The following NOVA1 variants were observed in gnomAD, a reference collection of about 807,000 sequenced individuals.
The protein encoded by NOVA1 is RNA-binding protein Nova-1.
NOVA1 carries 7 observed loss-of-function variants against 38.0 expected under a neutral mutation model. The ratio of observed to expected loss-of-function variants is 0.18; its 90% CI spans 0.10 to 0.35. The LOEUF is 0.35. Among genes scored for constraint, NOVA1 ranks in the 10% least tolerant of loss-of-function variants. NOVA1 has a pLI of 1.00. For synonymous variants in NOVA1, 270 were observed against 232.5 expected, an observed-to-expected ratio of 1.16 and a Z score of -1.47; for missense variants, 460 against 616.0, an observed-to-expected ratio of 0.75 and a Z score of 2.68.
At chr14:26,454,879 G>C (rs1883027643) in intron 4 of NOVA1, among the ~76,000 whole-genome samples, 1 of 152,056 alleles carries the variant, frequency 6.6e-6, no homozygotes, top group South Asian at 2.1e-4. Flanking sequence ...TTAGGATACT[G>C]AGGCTCCACT....
chr14:26,515,493 A>G (rs904584996), intron 2 of NOVA1, among the ~76,000 whole-genome samples: 1 of 152,008 alleles, frequency 6.6e-6, no homozygotes, highest in Non-Finnish European at 1.5e-5. Context: ...CAATTTGTTC[A>G]TAATATATGC....
chr14:26,516,141 A>C (rs8004594), intron 2 of NOVA1, among the ~76,000 whole-genome samples: 53,257 of 152,026 alleles, frequency 0.35, 11,280 homozygotes, highest in African/African-American at 0.6. Context: ...TCCCTAATGA[A>C]TAATATATTT....
intron 2 of NOVA1, among the ~76,000 whole-genome samples, chr14:26,564,735 T>C (rs1892032822): frequency 6.6e-6 from 1 of 152,266 alleles, no homozygotes; most frequent in Non-Finnish European, 1.5e-5. Flanking sequence ...ACCTTTGAAA[T>C]TGGCAATAAC....
At chr14:26,509,890 G>C (rs961243599) in intron 2 of NOVA1, among the ~76,000 whole-genome samples, 3 of 152,156 alleles carry the variant, frequency 2.0e-5, no homozygotes, top group Non-Finnish European at 4.4e-5. Flanking sequence ...ATGTTGGTTA[G>C]GTTGGTCTCA....
At chr14:26,591,822 T>A (rs552953273) in intron 2 of NOVA1, among the ~76,000 whole-genome samples, 131 of 151,612 alleles carry the variant, frequency 8.6e-4, no homozygotes, top group Non-Finnish European at 1.4e-3. Context: ...GTGTTTTTTT[T>A]AAAAAAGCAC....
At chr14:26,581,705 T>TGCCC (rs1566557281) in intron 2 of NOVA1, among the ~76,000 whole-genome samples, 2 of 151,978 alleles carry the variant, frequency 1.3e-5, no homozygotes, top group East Asian at 1.9e-4. Flanking sequence ...TCAGAAATAT[T>TGCCC]ATCTCCCAGT....
In NOVA1 at chr14:26,576,339, G is replaced by A. The variant is rs549062920; in HGVS notation, c.280+19071C>T. ...GGTGTAAAACATGATGTTTTGATAC[G>A]CATATACATAGTGAAATGATTATAA... is the stretch of plus-strand genomic sequence containing the variant. On this transcript the variant is annotated intron_variant, in intron 2 of 4. Transcript: ENST00000539517. 7.4e-4 allele frequency among the ~76,000 whole-genome samples: 111 copies of A among 150,686 alleles called. No individual in the cohort carries two copies. In the Middle Eastern group the frequency reaches 0.011, roughly 15 times the overall value.
chr14:26,545,785 T>G (rs1479608367), intron 2 of NOVA1, among the ~76,000 whole-genome samples: 1 of 151,994 alleles, frequency 6.6e-6, no homozygotes, highest in Admixed American at 6.6e-5. Context: ...GGATTCGAGA[T>G]CACACTTCAG....
chr14:26,510,917 G>A (rs144402524), intron 2 of NOVA1, among the ~76,000 whole-genome samples: 208 of 152,202 alleles, frequency 1.4e-3, no homozygotes, highest in African/African-American at 4.6e-3. Flanking sequence ...GGTGGATAAT[G>A]ATAAATGGAC....
intron 2 of NOVA1, among the ~76,000 whole-genome samples, chr14:26,513,582 T>A (rs1888250779): frequency 6.6e-6 from 1 of 151,632 alleles, no homozygotes; most frequent in Non-Finnish European, 1.5e-5. Context: ...AATGAATGAA[T>A]ATAAAATAAA....
At chr14:26,505,817 G>A (rs1037795488) in intron 2 of NOVA1, among the ~76,000 whole-genome samples, 3 of 151,912 alleles carry the variant, frequency 2.0e-5, no homozygotes, top group South Asian at 2.1e-4. Context: ...CAAATAAAAC[G>A]GTAACACTGT....
At chr14:26,557,995 T>C (rs1367304542) in intron 2 of NOVA1, among the ~76,000 whole-genome samples, 1 of 136,064 alleles carries the variant, frequency 7.3e-6, no homozygotes, top group South Asian at 2.3e-4. Context: ...TCTTGTTAAA[T>C]GAAAAAAAAA....
chr14:26,499,002 AAT>A (rs925484546), intron 2 of NOVA1, among the ~76,000 whole-genome samples: 1 of 152,204 alleles, frequency 6.6e-6, no homozygotes, highest in African/African-American at 2.4e-5. Flanking sequence ...AGAAAGGTCA[AAT>A]ATATAGAGAT....
At chr14:26,460,030 C>G (rs1404107631) in intron 4 of NOVA1, among the ~76,000 whole-genome samples, 1 of 151,644 alleles carries the variant, frequency 6.6e-6, no homozygotes, top group Non-Finnish European at 1.5e-5. Flanking sequence ...TTATATATTT[C>G]TTATTATTTT....
At chr14:26,578,353 CA>C (rs1555330972) in intron 2 of NOVA1, among the ~76,000 whole-genome samples, 2 of 18,224 alleles carry the variant, frequency 1.1e-4, no homozygotes, top group South Asian at 0.029. Context: ...AAAAGAAACA[CA>C]CTTTTTTTTT....
chr14:26,509,384 G>C (rs1033985590), intron 2 of NOVA1, among the ~76,000 whole-genome samples: 5 of 151,988 alleles, frequency 3.3e-5, no homozygotes, highest in Non-Finnish European at 7.4e-5. Flanking sequence ...AGTGGTAGTG[G>C]GAGTGAAAAG....
chr14:26,548,785 C>T (rs982931376), intron 2 of NOVA1, among the ~76,000 whole-genome samples: 3 of 143,428 alleles, frequency 2.1e-5, no homozygotes, highest in African/African-American at 7.3e-5. Flanking sequence ...CCTTCTCTTC[C>T]CCACTTTTTT....
intron 2 of NOVA1, among the ~76,000 whole-genome samples, chr14:26,516,341 GA>G (rs1888460955): frequency 6.6e-6 from 1 of 152,248 alleles, no homozygotes; most frequent in African/African-American, 2.4e-5. Context: ...GTGTCTTGAT[GA>G]GCAGAAGTTC....
At position 26,596,072 on chromosome 14, in the gene NOVA1, C is replaced by T. The variant is rs115360503; in HGVS notation, c.137-519G>A. ...TCCTACTTAAAGTCCGCAAAACAAC[C>T]ATTCTCCTACCAAATAATCCACCCA... On this transcript the variant is annotated intron_variant, in intron 1 of 4. Coordinates refer to ENST00000539517, the MANE Select transcript of NOVA1 (RefSeq NM_002515.3). 2.8e-3 allele frequency: 651 copies of T among 229,384 alleles called. 8 individuals carry two copies. The highest frequency in any genetic ancestry group is 0.013 in the African/African-American group (561 of 42,664). The allele number at this position is 229,384 out of a possible 1,614,324, so 14.2% of individuals were successfully genotyped here. A position where few individuals can be genotyped will look rare whatever the true frequency, so the allele number is the denominator to read the frequency against.
Sources: gnomAD v4.1 joint callset for allele counts (sites outside exome capture counted in the v4.1 genomes callset) on GRCh38, gnomAD v4.1.1 for gene constraint, MANE v1.5 for transcripts, NCBI Gene and HGNC (gene_info 2026-07-23, HGNC 2026-07-21) for gene names.